BIN2: variants seen among roughly 807,000 people sequenced by gnomAD.
BIN2 encodes the protein bridging integrator 2.
Under a neutral mutation model 67.9 loss-of-function variants are expected in BIN2, and 43 were observed. The observed-to-expected ratio is 0.63, with a 90% CI of 0.50 to 0.82. The LOEUF is 0.82. Ranked by LOEUF, BIN2 falls within the 40% of genes least tolerant of loss-of-function variation. BIN2 has a pLI of 0.00. For synonymous variants in BIN2, 244 were observed against 246.8 expected (o/e 0.99, Z 0.11); for missense variants, 581 against 671.6 (o/e 0.87, Z 1.49).
chr12:51,303,159 A>G lies in BIN2; in HGVS notation c.163-18T>C, dbSNP rs1284970904. On this transcript the variant is annotated intron_variant, in intron 2 of 12. Transcript: ENST00000615107. ...CCTTCTGCCTGAAAGAGAAAAGTACATTTGGTGACTAAAGAGATTAATATT... is the reference window on the plus strand; with the variant it reads ...CCTTCTGCCTGAAAGAGAAAAGTACGTTTGGTGACTAAAGAGATTAATATT... 6.2e-7 allele frequency: 1 copy of G among 1,612,272 alleles called. No individual in the cohort carries two copies.
intron 6 of BIN2, 149 bp from the exon 7 acceptor site, chr12:51,299,437 A>T (rs1460775596): frequency 2.0e-6 from 2 of 984,004 alleles, no homozygotes; most frequent in Admixed American, 4.0e-5. Flanking sequence ...CAGCCTCAAG[A>T]CTCTGACTAT....
chr12:51,319,229 A>AT (rs1156614755), intron 1 of BIN2, among the ~76,000 whole-genome samples: 8 of 152,224 alleles, frequency 5.3e-5, no homozygotes, highest in African/African-American at 1.9e-4. Flanking sequence ...CCCAATCCCC[A>AT]AAAGGCTCAA....
chr12:51,281,444 G>T lies in BIN2; in HGVS notation c.*55C>A, dbSNP rs1192085835. Reference sequence around the variant, plus strand: ...ATATCCCTCTGACCTATACCCTCTGGTTGAAGAGCTTCTCTGGCGAGGTTT... The same window carrying T: ...ATATCCCTCTGACCTATACCCTCTGTTTGAAGAGCTTCTCTGGCGAGGTTT... On this transcript the variant is annotated 3_prime_UTR_variant, in exon 13 of 13. Transcript: ENST00000615107. The T allele has an allele frequency of 3.8e-6, 6 of 1,569,772 alleles. No homozygotes were observed. The highest frequency in any genetic ancestry group is 5.3e-6 in the Non-Finnish European group (6 of 1,139,730).
At chr12:51,296,998 C>G (rs1177240598) in intron 8 of BIN2, 91 bp downstream of exon 8, 5 of 1,207,256 alleles carry the variant, frequency 4.1e-6, no homozygotes, top group Middle Eastern at 2.2e-4. Context: ...GGTGCCAATA[C>G]GGATATTTAA....
intron 2 of BIN2, 51 bp downstream of exon 2, chr12:51,313,772 C>T (rs1388529542): frequency 6.7e-7 from 1 of 1,502,314 alleles, no homozygotes; most frequent in Admixed American, 1.7e-5. Flanking sequence ...CCACTCAGCC[C>T]TCGTGTCTCC....
At chr12:51,310,938 T>G (rs1283364833) in intron 2 of BIN2, among the ~76,000 whole-genome samples, 6 of 151,892 alleles carry the variant, frequency 4.0e-5, no homozygotes, top group Non-Finnish European at 8.8e-5. Flanking sequence ...TTTGTATTTT[T>G]TGTAGAGATG....
At chr12:51,287,740 C>T (rs1945273566) in intron 11 of BIN2, among the ~76,000 whole-genome samples, 1 of 151,980 alleles carries the variant, frequency 6.6e-6, no homozygotes, top group Non-Finnish European at 1.5e-5. Flanking sequence ...CAAGCTCCAC[C>T]TCCCGGGTTC....
chr12:51,295,713 C>A, intron 9 of BIN2, 83 bp downstream of exon 9: 1 of 1,133,876 alleles, frequency 8.8e-7, no homozygotes, highest in South Asian at 1.3e-5. Context: ...AGGGACAGGT[C>A]AGGATTCTGG....
At chr12:51,319,910 T>G (rs1325916790) in intron 1 of BIN2, among the ~76,000 whole-genome samples, 3 of 152,164 alleles carry the variant, frequency 2.0e-5, no homozygotes, top group African/African-American at 7.2e-5. Flanking sequence ...TGCTAAAATT[T>G]TTTCTTAGGT....
In BIN2 at chr12:51,302,707, C is replaced by T. The variant is rs1945759920; in HGVS notation, c.291G>A (p.Glu97=). The T allele has an allele frequency of 6.2e-7, 1 of 1,614,112 alleles. No individual in the cohort carries two copies. Among genetic ancestry groups the T allele is most frequent in the African/African-American group, 1.3e-5 (1 of 75,060 alleles). Reference sequence around the variant, plus strand: ...TTACCCATACGATGGCCTTCAGCTCCTCATGACCGTCCCACTCGCTGCTGT... The same window carrying T: ...TTACCCATACGATGGCCTTCAGCTCTTCATGACCGTCCCACTCGCTGCTGT... ...EIYSSEWDGH[E]ELKAIVWNND... is the part of the protein sequence containing the mutation. The change falls in exon 4 of 13, where the codon GAG becomes GAA. Residue 97 remains glutamate (E), a synonymous_variant. Coordinates refer to ENST00000615107, the MANE Select transcript of BIN2 (RefSeq NM_016293.4).
At chr12:51,282,387 G>T (rs1236223925) in intron 12 of BIN2, among the ~76,000 whole-genome samples, 1 of 152,086 alleles carries the variant, frequency 6.6e-6, no homozygotes, top group Non-Finnish European at 1.5e-5. Context: ...TAGTGATGTG[G>T]CAGCTATTGT....
intron 4 of BIN2, 41 bp from the exon 5 acceptor site, chr12:51,302,156 C>G: frequency 1.4e-6 from 2 of 1,444,978 alleles, no homozygotes; most frequent in Non-Finnish European, 1.9e-6. Flanking sequence ...CTCCACTTCC[C>G]AACAACAACT....
At chr12:51,319,968 T>TCTTTCCTTCCTG (rs1946226070) in intron 1 of BIN2, among the ~76,000 whole-genome samples, 2 of 152,102 alleles carry the variant, frequency 1.3e-5, no homozygotes, top group African/African-American at 4.8e-5. Context: ...TTTCCTTCCT[T>TCTTTCCTTCCTG]CCTTCCTTTT....
intron 10 of BIN2, 41 bp from the exon 11 acceptor site, chr12:51,288,229 C>T (rs1945291295): frequency 6.5e-7 from 1 of 1,546,682 alleles, no homozygotes; most frequent in Non-Finnish European, 8.9e-7. Flanking sequence ...AGTCCCACAC[C>T]TTCCACCTGG....
chr12:51,292,361 T>A lies in BIN2; in HGVS notation c.762-17A>T. On this transcript the variant is annotated splice_polypyrimidine_tract_variant and intron_variant, in intron 9 of 12. Coordinates refer to ENST00000615107, the MANE Select transcript of BIN2 (RefSeq NM_016293.4). ...CTGCTGCTGCTAAAAAAGGAAGGTG[T>A]TCAGATTCAGAACGGCTAAAAACCA... is the stretch of plus-strand genomic sequence containing the variant. 1.3e-6 allele frequency: 2 copies of A among 1,548,126 alleles called. No homozygotes were observed. Among genetic ancestry groups the A allele is most frequent in the South Asian group, 1.2e-5 (1 of 84,122 alleles).
chr12:51,315,423 C>G (rs147142649), intron 1 of BIN2, among the ~76,000 whole-genome samples: 1 of 152,142 alleles, frequency 6.6e-6, no homozygotes, highest in Non-Finnish European at 1.5e-5. Flanking sequence ...CCGCCCGCCT[C>G]GGCCTCCCAA....
At chr12:51,305,849 T>TTTTTC (rs1945854277) in intron 2 of BIN2, among the ~76,000 whole-genome samples, 1 of 123,622 alleles carries the variant, frequency 8.1e-6, no homozygotes, top group South Asian at 2.6e-4. Context: ...TTTTTTTTTT[T>TTTTTC]TTGAGATGGA....
In BIN2 at chr12:51,295,876, C is replaced by T; in HGVS notation, c.681G>A (p.Leu227=). 1.2e-6 allele frequency: 2 copies of T among 1,612,108 alleles called. No homozygotes were observed. The highest frequency in any genetic ancestry group is 2.2e-5 in the South Asian group (2 of 90,900). ...RDVFYREMSK[L]NHNLYEVMSK... is the part of the protein sequence containing the mutation. ...TCATCACCTCGTAGAGATTGTGGTT[C>T]AGCTAGAGCCAATAAGAAAGAAGGG... Residue 227 remains leucine (L), a splice_region_variant and synonymous_variant, in exon 9 of 13, where the codon CTG becomes CTA. Coordinates refer to ENST00000615107, the MANE Select transcript of BIN2 (RefSeq NM_016293.4).
rs1592250125 is a variant in BIN2, at chr12:51,288,167, C to T, written c.1537G>A (p.Ala513Thr). The change falls in exon 11 of 13, where the codon GCA becomes ACA. Residue 513 changes from alanine to threonine, a missense_variant. By Grantham distance (58) the Ala-to-Thr change is moderately conservative. Coordinates refer to ENST00000615107, the MANE Select transcript of BIN2 (RefSeq NM_016293.4). ...TSQVASEPGEAKKMEDKEKDN... is the reference protein window; with the variant it reads ...TSQVASEPGETKKMEDKEKDN... ...TTTTCCTTGTCTTCCATCTTCTTTG[C>T]CTCTCCAGGCTCTGAAGCAACCTGT... 6.2e-7 allele frequency: 1 copy of T among 1,613,920 alleles called. No homozygotes were observed. Among genetic ancestry groups the T allele is most frequent in the Non-Finnish European group, 8.5e-7 (1 of 1,179,824 alleles).
Sources: allele counts gnomAD v4.1 joint callset (sites outside exome capture counted in the v4.1 genomes callset), GRCh38; gene constraint gnomAD v4.1.1; transcripts MANE v1.5; gene names NCBI Gene and HGNC (gene_info 2026-07-23, HGNC 2026-07-21).